BHMT2: variants seen among roughly 807,000 people sequenced by gnomAD.
BHMT2 encodes S-methylmethionine--homocysteine S-methyltransferase BHMT2.
Under a neutral mutation model 39.0 loss-of-function variants are expected in BHMT2, and 28 were observed. That is an observed-to-expected ratio of 0.72 (90% CI 0.53 to 0.98). The LOEUF is 0.98. Among genes scored for constraint, BHMT2 ranks in the 50% least tolerant of loss-of-function variants. The probability of loss-of-function intolerance (pLI) is 0.00; values close to 1 mark genes in which losing one functional copy is unlikely to be tolerated. For synonymous variants in BHMT2, 145 were observed against 160.6 expected, an observed-to-expected ratio of 0.90 and a Z score of 0.74; for missense variants, 410 against 455.6, an observed-to-expected ratio of 0.90 and a Z score of 0.91.
At chr5:79,082,328 C>T (rs1755802626) in intron 4 of BHMT2, 1 of 153,812 alleles carries the variant, frequency 6.5e-6, no homozygotes, top group Non-Finnish European at 1.4e-5. Flanking sequence ...AATGGTGCTT[C>T]CCTTCCTACT....
intron 4 of BHMT2, among the ~76,000 whole-genome samples, chr5:79,081,681 G>A (rs2112700803): frequency 6.6e-6 from 1 of 152,276 alleles, no homozygotes; most frequent in East Asian, 1.9e-4. Context: ...TGAACAAGGT[G>A]AAAGCCCATC....
At chr5:79,080,954 G>C (rs1240633143) in intron 4 of BHMT2, 76 bp downstream of exon 4, 13 of 1,347,656 alleles carry the variant, frequency 9.6e-6, no homozygotes, top group Non-Finnish European at 1.2e-5. Flanking sequence ...TTTCATGAGG[G>C]TATTGGACAA....
rs181160797 is a variant in BHMT2, at chr5:79,089,737, C to T, written c.*1163C>T. On this transcript the variant is annotated 3_prime_UTR_variant, in exon 8 of 8. Transcript: ENST00000255192. ...ATCCCAGCACTTTGGGAGGCCAGGG[C>T]GGGCAGATCACTTGGGTCAAGAGTT... Among the ~76,000 whole-genome samples, 58 of 152,248 alleles carry T rather than the reference C, an allele frequency of 3.8e-4. 1 individual carries two copies. The East Asian group carries it at 0.011, about 29-fold the overall frequency.
intron 1 of BHMT2, among the ~76,000 whole-genome samples, chr5:79,070,176 A>G (rs768388536): frequency 6.6e-6 from 1 of 152,296 alleles, no homozygotes; most frequent in East Asian, 1.9e-4. Flanking sequence ...TGTCGCGCAC[A>G]CATTTTCTTC....
At chr5:79,086,552 A>G (rs1397642089) in intron 7 of BHMT2, among the ~76,000 whole-genome samples, 8 of 152,224 alleles carry the variant, frequency 5.3e-5, no homozygotes, top group African/African-American at 1.9e-4. Flanking sequence ...TCACTGCAGA[A>G]CAAAGTAGTA....
At chr5:79,076,112 T>C (rs1275208030) in intron 1 of BHMT2, among the ~76,000 whole-genome samples, 1 of 152,106 alleles carries the variant, frequency 6.6e-6, no homozygotes, top group South Asian at 2.1e-4. Context: ...TTTTATCGAA[T>C]GGTGGAAGTA....
At chr5:79,079,723 C>T (rs985682108) in intron 3 of BHMT2, among the ~76,000 whole-genome samples, 1 of 152,138 alleles carries the variant, frequency 6.6e-6, no homozygotes, top group East Asian at 1.9e-4. Context: ...TGGTGAAACC[C>T]TGTCTCTACT....
intron 1 of BHMT2, among the ~76,000 whole-genome samples, chr5:79,076,691 G>C (rs113698803): frequency 2.0e-5 from 3 of 151,832 alleles, no homozygotes; most frequent in African/African-American, 7.3e-5. Flanking sequence ...AATAAAAACT[G>C]TGTCCTGCCT....
At chr5:79,088,302 C>T (rs1755944889) in intron 7 of BHMT2, among the ~76,000 whole-genome samples, 191 bp from the exon 8 acceptor site, 3 of 149,680 alleles carry the variant, frequency 2.0e-5, no homozygotes, top group South Asian at 2.1e-4. Context: ...CACAGTTTTC[C>T]GTCTGTATGT....
chr5:79,069,802 C>CG lies in BHMT2; in HGVS notation c.25dup (p.Ala9GlyfsTer72). ...GGCACCATGGCACCTGCTGGACGCC[C>CG]GGGGGCCAAGAAGGTGAGTTTCGTC... On this transcript the variant is annotated frameshift_variant, in exon 1 of 8. Transcript: ENST00000255192. LOFTEE classifies it high-confidence loss of function. The CG allele has an allele frequency of 2.1e-6, 3 of 1,436,944 alleles. No homozygotes were observed. The highest frequency in any genetic ancestry group is 1.5e-5 in the South Asian group (1 of 68,086). 89.0% of individuals were successfully genotyped at this position (1,436,944 alleles called of 1,614,324 possible).
At chr5:79,081,695 A>G (rs1267102491) in intron 4 of BHMT2, among the ~76,000 whole-genome samples, 1 of 152,130 alleles carries the variant, frequency 6.6e-6, no homozygotes, top group Non-Finnish European at 1.5e-5. Context: ...GCCCATCTCT[A>G]CTAAAAATAC....
chr5:79,088,527 G>A lies in BHMT2; in HGVS notation c.1045G>A (p.Ala349Thr), dbSNP rs149000124. Residue 349 changes from alanine to threonine, a missense_variant, in exon 8 of 8, where the codon GCT (alanine) becomes ACT (threonine). Transcript: ENST00000255192. ...GGAGTATTGGGAGAATCTGCTGCCA[G>A]CTTCAGGCAGACCTTTCTGTCCTTC... ...RREYWENLLP[A>T]SGRPFCPSLS... 375 of 1,614,146 alleles carry A rather than the reference G, an allele frequency of 2.3e-4. 2 individuals carry two copies. In the African/African-American group the frequency reaches 4.3e-3, roughly 19 times the overall value.
intron 1 of BHMT2, 48 bp downstream of exon 1, chr5:79,069,863 G>T: frequency 7.4e-7 from 1 of 1,359,288 alleles, no homozygotes; most frequent in Non-Finnish European, 9.5e-7. Flanking sequence ...CCGCTGGGCT[G>T]CGAGCGACTC....
At position 79,083,486 on chromosome 5, in the gene BHMT2, C is replaced by T. The variant is rs1755831449; in HGVS notation, c.781+112C>T. 3 of 1,467,620 alleles carry T rather than the reference C, an allele frequency of 2.0e-6. No individual in the cohort carries two copies. The East Asian group carries it at 7.0e-5, about 34-fold the overall frequency. The allele number at this position is 1,467,620 out of a possible 1,614,324, so 90.9% of individuals were successfully genotyped here. A position where few individuals can be genotyped will look rare whatever the true frequency, so the allele number is the denominator to read the frequency against. ...AAGAGACTGCATATGACAAAACATT[C>T]AGAGTTAACCAAAAATGAGCTATCA... On this transcript the variant is annotated intron_variant, in intron 6 of 7. Coordinates refer to ENST00000255192, the MANE Select transcript of BHMT2 (RefSeq NM_017614.5).
chr5:79,072,496 A>C (rs186476598), intron 1 of BHMT2, among the ~76,000 whole-genome samples: 1 of 152,330 alleles, frequency 6.6e-6, no homozygotes, highest in African/African-American at 2.4e-5. Flanking sequence ...TTTTCAAAAC[A>C]GTCCTGTTTA....
At chr5:79,076,281 G>C (rs541585237) in intron 1 of BHMT2, among the ~76,000 whole-genome samples, 1 of 152,260 alleles carries the variant, frequency 6.6e-6, no homozygotes, top group South Asian at 2.1e-4. Flanking sequence ...GCCAGAGTCT[G>C]TGTGTTCTTC....
rs908910011 is a variant in BHMT2, at chr5:79,090,002, G to C, written c.*1428G>C. On this transcript the variant is annotated 3_prime_UTR_variant, in exon 8 of 8. Coordinates refer to ENST00000255192, the MANE Select transcript of BHMT2 (RefSeq NM_017614.5). ...TCTTCTTATGTTTGTGTTATTTCAT[G>C]TGTGCCAGTTTCTCTTTTTTTCACA... 3.3e-5 allele frequency among the ~76,000 whole-genome samples: 5 copies of C among 152,318 alleles called. No individual in the cohort carries two copies. The highest frequency in any genetic ancestry group is 4.8e-5 in the African/African-American group (2 of 41,558).
At chr5:79,072,940 G>A (rs13176095) in intron 1 of BHMT2, among the ~76,000 whole-genome samples, 3,374 of 150,764 alleles carry the variant, frequency 0.022, 66 homozygotes, top group Non-Finnish European at 0.032. Flanking sequence ...GTTTTCCCTC[G>A]ACAATTGTTT....
chr5:79,080,836 A>G lies in BHMT2; in HGVS notation c.408A>G (p.Leu136=). Residue 136 remains leucine (L), a synonymous_variant, in exon 4 of 8, where the codon CTA becomes CTG. Transcript: ENST00000255192. ...TTAAAAAACTTTTTCGACAACAGCT[A>G]GAAGTTTTTGCCTGGAAAAATGTGG... ...ARIKKLFRQQ[L]EVFAWKNVDF... 1.2e-6 allele frequency: 2 copies of G among 1,603,354 alleles called. No homozygotes were observed. Among genetic ancestry groups the G allele is most frequent in the Non-Finnish European group, 1.7e-6 (2 of 1,176,778 alleles).
Sources: allele counts gnomAD v4.1 joint callset (sites outside exome capture counted in the v4.1 genomes callset), GRCh38; gene constraint gnomAD v4.1.1; transcripts MANE v1.5; gene names NCBI Gene and HGNC (gene_info 2026-07-23, HGNC 2026-07-21).